PHF20: variants seen among roughly 807,000 people sequenced by gnomAD.
PHF20 encodes the protein glioma-expressed antigen 2.
A neutral mutation model predicts 113.5 loss-of-function variants in PHF20; 23 were observed. The ratio of observed to expected loss-of-function variants is 0.20; its 90% CI spans 0.15 to 0.29. The LOEUF is 0.29. Ranked by LOEUF, PHF20 falls within the 10% of genes least tolerant of loss-of-function variation. PHF20 has a pLI of 1.00. For missense variants in PHF20, 943 were observed against 1,219.6 expected (o/e 0.77, Z 3.38); for synonymous variants, 434 against 457.3 (o/e 0.95, Z 0.65).
intron 1 of PHF20, among the ~76,000 whole-genome samples, chr20:35,773,574 G>A (rs557500558): frequency 2.0e-5 from 3 of 152,234 alleles, no homozygotes; most frequent in South Asian, 4.1e-4. Flanking sequence ...GTTTTTGATA[G>A]GCCTATCTTT....
intron 9 of PHF20, among the ~76,000 whole-genome samples, chr20:35,877,279 C>CA (rs1246687018): frequency 0.11 from 1,376 of 12,884 alleles, 194 homozygotes; most frequent in South Asian, 0.17. Context: ...GACTCCATCT[C>CA]AAAAAAAAAA....
chr20:35,899,552 C>T lies in PHF20; in HGVS notation c.1465C>T (p.Pro489Ser), dbSNP rs754804189. The T allele has an allele frequency of 1.9e-6, 3 of 1,614,028 alleles. No individual in the cohort carries two copies. Among genetic ancestry groups the T allele is most frequent in the Non-Finnish European group, 2.5e-6 (3 of 1,179,980 alleles). The change falls in exon 10 of 18, where the codon CCG becomes TCG. Residue 489 changes from proline to serine, a missense_variant. Pro to Ser is a moderately conservative substitution (Grantham distance 74). This residue lies in a region of PHF20 where 592 missense variants were observed against 787.2 expected (regional missense o/e 0.75). Transcript: ENST00000374012. ...GAAGTCACTGGAGCCAGAAGAGAGC[C>T]CGGGAAAGAGGCATGTCCAAACCAG... ...MEKSLEPEES[P>S]GKRHVQTRGP...
intron 9 of PHF20, among the ~76,000 whole-genome samples, chr20:35,880,577 G>GT (rs2054610111): frequency 6.6e-6 from 1 of 151,154 alleles, no homozygotes; most frequent in South Asian, 2.1e-4. Context: ...TAAAAATGTT[G>GT]TTAAAAAATG....
intron 12 of PHF20, among the ~76,000 whole-genome samples, chr20:35,915,350 A>AATATAT (rs1014493941): frequency 6.7e-6 from 1 of 150,288 alleles, no homozygotes; most frequent in African/African-American, 2.4e-5. Flanking sequence ...TATATTTTAA[A>AATATAT]ATATATATAT....
intron 5 of PHF20, 77 bp from the exon 6 acceptor site, chr20:35,862,936 A>C (rs557874702): frequency 2.1e-6 from 3 of 1,402,940 alleles, no homozygotes; most frequent in East Asian, 2.3e-5. Flanking sequence ...GTTTGTCTTC[A>C]TAAGTTTGTA....
chr20:35,794,300 C>CAA (rs369191805), intron 1 of PHF20, among the ~76,000 whole-genome samples: 1,207 of 95,872 alleles, frequency 0.013, 5 homozygotes, highest in Middle Eastern at 0.038. Flanking sequence ...AACTCTGTCT[C>CAA]AAAAAAAAAA....
chr20:35,871,573 C>G, intron 8 of PHF20, 77 bp from the exon 9 acceptor site: 1 of 1,251,542 alleles, frequency 8.0e-7, no homozygotes, highest in Non-Finnish European at 1.1e-6. Flanking sequence ...CCCTGGCTTT[C>G]TTAGACTGTT....
At chr20:35,787,637 C>G (rs921020684) in intron 1 of PHF20, among the ~76,000 whole-genome samples, 1 of 148,422 alleles carries the variant, frequency 6.7e-6, no homozygotes, top group East Asian at 2.0e-4. Context: ...TACAGGGAAG[C>G]ACCACCATGC....
intron 2 of PHF20, among the ~76,000 whole-genome samples, chr20:35,835,100 C>T (rs924004442): frequency 9.2e-5 from 14 of 151,900 alleles, no homozygotes; most frequent in African/African-American, 3.1e-4. Context: ...CATGCTGAAA[C>T]CCCGTCTCTA....
chr20:35,938,996 C>A lies in PHF20; in HGVS notation c.2600C>A (p.Ala867Glu). Residue 867 changes from alanine to glutamate, a missense_variant, in exon 16 of 18, where the codon GCG becomes GAG. By Grantham distance (107) the Ala-to-Glu change is moderately radical (BLOSUM62 -1). Around this residue, in one of 3 missense-constraint regions of PHF20, gnomAD observed 349 missense variants for 412.3 expected, o/e 0.85. Transcript: ENST00000374012. ...ACGAGGGGCTCTGCCCTCGACGATGCGGTCAACCCCCTCCATGAGAACGGC... is the reference window on the plus strand; with the variant it reads ...ACGAGGGGCTCTGCCCTCGACGATGAGGTCAACCCCCTCCATGAGAACGGC... ...VETRGSALDD[A>E]VNPLHENGDD... 1.9e-6 allele frequency: 3 copies of A among 1,614,134 alleles called. No individual in the cohort carries two copies. The highest frequency in any genetic ancestry group is 2.5e-6 in the Non-Finnish European group (3 of 1,180,012).
At chr20:35,889,357 T>A (rs944538791) in intron 9 of PHF20, among the ~76,000 whole-genome samples, 7 of 151,784 alleles carry the variant, frequency 4.6e-5, no homozygotes, top group African/African-American at 1.7e-4. Context: ...TTGGGTTTTA[T>A]TTTTTATTTT....
Position 35,819,826 on chromosome 20 carries a change from T to C in PHF20, c.83+18221T>C, listed in dbSNP as rs373374056. Among the ~76,000 whole-genome samples the C allele has an allele frequency of 6.6e-5, 10 of 152,340 alleles. No individual in the cohort carries two copies. The East Asian group carries it at 1.9e-3, about 29-fold the overall frequency. On this transcript the variant is annotated intron_variant, in intron 2 of 17. Coordinates refer to ENST00000374012, the MANE Select transcript of PHF20 (RefSeq NM_016436.5). ...ATTTGGCTTTGGTTTTTAGTATTGATAGCCAAGGGTCGTTAATCATGTATT... is the reference window on the plus strand; with the variant it reads ...ATTTGGCTTTGGTTTTTAGTATTGACAGCCAAGGGTCGTTAATCATGTATT...
chr20:35,856,027 T>C (rs1478324609), intron 4 of PHF20, among the ~76,000 whole-genome samples: 1 of 152,146 alleles, frequency 6.6e-6, no homozygotes, highest in Non-Finnish European at 1.5e-5. Context: ...CACCCTGTTG[T>C]GCTAGCAAAT....
At chr20:35,839,162 G>C (rs2146932292) in intron 2 of PHF20, among the ~76,000 whole-genome samples, 1 of 151,978 alleles carries the variant, frequency 6.6e-6, no homozygotes, top group Middle Eastern at 3.4e-3. Context: ...AGGCCGAGGG[G>C]GGCGGATCAC....
chr20:35,803,270 A>G (rs1290231302), intron 2 of PHF20, among the ~76,000 whole-genome samples: 1 of 151,474 alleles, frequency 6.6e-6, no homozygotes, highest in Non-Finnish European at 1.5e-5. Flanking sequence ...AAAAAAAAGA[A>G]AAAAGAAAAA....
At chr20:35,817,728 G>A (rs1341957756) in intron 2 of PHF20, among the ~76,000 whole-genome samples, 1 of 152,068 alleles carries the variant, frequency 6.6e-6, no homozygotes, top group South Asian at 2.1e-4. Flanking sequence ...CCCGGGAAGC[G>A]GAGGTTGCAG....
intron 3 of PHF20, among the ~76,000 whole-genome samples, chr20:35,844,401 CG>C (rs1367688892): frequency 6.8e-6 from 1 of 146,786 alleles, no homozygotes; most frequent in Non-Finnish European, 1.5e-5. Context: ...CGCGCCCAGC[CG>C]GTTTTTTTTT....
intron 2 of PHF20, among the ~76,000 whole-genome samples, chr20:35,813,933 GAAAAAAAAAAAAAA>G (rs57769210): frequency 4.0e-5 from 1 of 25,004 alleles, no homozygotes; most frequent in East Asian, 1.4e-3. Flanking sequence ...CTCCGTCTCA[GAAAAAAAAAAAAAA>G]AAAAAAAAAA....
intron 2 of PHF20, among the ~76,000 whole-genome samples, chr20:35,841,287 G>A (rs2042530638): frequency 6.6e-6 from 1 of 152,082 alleles, no homozygotes; most frequent in Non-Finnish European, 1.5e-5. Context: ...AGGTTGCAGT[G>A]AGCCGAGATC....
Sources: gnomAD v4.1 joint callset for allele counts (sites outside exome capture counted in the v4.1 genomes callset) on GRCh38, gnomAD v4.1.1 for gene constraint, gnomAD v4.1.1 regional missense constraint, MANE v1.5 for transcripts, NCBI Gene and HGNC (gene_info 2026-07-23, HGNC 2026-07-21) for gene names.